Variants in CRPPA observed in about 807,000 individuals in gnomAD.
CRPPA encodes the protein D-ribitol-5-phosphate cytidylyltransferase.
In CRPPA, 43 loss-of-function variants were observed where a neutral mutation model predicts 52.0. That is an observed-to-expected ratio of 0.83 (90% confidence interval 0.65 to 1.07). The LOEUF is 1.07. Ranked by LOEUF, CRPPA falls within the 50% of genes least tolerant of loss-of-function variation. The probability of loss-of-function intolerance (pLI) is 0.00; values close to 1 mark genes in which losing one functional copy is unlikely to be tolerated. For synonymous variants in CRPPA, 250 were observed against 203.5 expected, an observed-to-expected ratio of 1.23 and a Z score of -1.94; for missense variants, 629 against 551.7, an observed-to-expected ratio of 1.14 and a Z score of -1.40.
In CRPPA at chr7:16,278,118, T is replaced by C. The variant is rs1784246984; in HGVS notation, c.933+11A>G. The C allele has an allele frequency of 7.2e-7, 1 of 1,394,348 alleles. No homozygotes were observed. 86.4% of individuals were successfully genotyped at this position (1,394,348 alleles called of 1,614,324 possible). On this transcript the variant is annotated intron_variant, in intron 6 of 9. Transcript: ENST00000407010. ...ATCAAAGTTTATCAAACTCAGTCTTTGAATACTTACATTTAATTCACTTTT... is the reference window on the plus strand; with the variant it reads ...ATCAAAGTTTATCAAACTCAGTCTTCGAATACTTACATTTAATTCACTTTT...
At chr7:16,215,444 TAATGGTA>T (rs1562562391) in intron 9 of CRPPA, among the ~76,000 whole-genome samples, 2 of 152,236 alleles carry the variant, frequency 1.3e-5, no homozygotes, top group African/African-American at 4.8e-5. Context: ...AAAGAATCTG[TAATGGTA>T]GCTCATTGTG....
chr7:16,215,257 C>T (rs1401000817), intron 9 of CRPPA, among the ~76,000 whole-genome samples: 3 of 152,072 alleles, frequency 2.0e-5, no homozygotes, highest in African/African-American at 4.8e-5. Context: ...AGCAGTGGAC[C>T]GTTCAACTTG....
intron 5 of CRPPA, among the ~76,000 whole-genome samples, chr7:16,288,742 G>A (rs1218246876): frequency 6.6e-6 from 1 of 150,990 alleles, no homozygotes; most frequent in African/African-American, 2.4e-5. Context: ...AGCTACTCAG[G>A]AGGCTGAGGT....
At chr7:16,239,894 A>G (rs1308614539) in intron 8 of CRPPA, among the ~76,000 whole-genome samples, 1 of 152,118 alleles carries the variant, frequency 6.6e-6, no homozygotes, top group Non-Finnish European at 1.5e-5. Context: ...AACTTAGACA[A>G]AGTCCTCTGG....
At chr7:16,156,402 C>T (rs1783182858) in intron 9 of CRPPA, among the ~76,000 whole-genome samples, 1 of 152,122 alleles carries the variant, frequency 6.6e-6, no homozygotes, top group African/African-American at 2.4e-5. Context: ...TGATAGTGTT[C>T]ATGAGTAAAG....
chr7:16,272,999 T>C (rs1784123702), intron 6 of CRPPA, among the ~76,000 whole-genome samples: 2 of 151,826 alleles, frequency 1.3e-5, no homozygotes, highest in Non-Finnish European at 2.9e-5. Flanking sequence ...AGTTTTAGGG[T>C]ACATGTGCAC....
At chr7:16,176,693 C>T (rs1389998971) in intron 9 of CRPPA, among the ~76,000 whole-genome samples, 1 of 152,164 alleles carries the variant, frequency 6.6e-6, no homozygotes, top group Non-Finnish European at 1.5e-5. Context: ...CCTCTCACCT[C>T]AGCCTCCGCA....
chr7:16,241,626 T>C (rs750208096), intron 8 of CRPPA, among the ~76,000 whole-genome samples: 1 of 152,220 alleles, frequency 6.6e-6, no homozygotes, highest in Non-Finnish European at 1.5e-5. Flanking sequence ...GAACTTGCTG[T>C]GTTTCTTTAA....
At chr7:16,166,994 T>C (rs1361767925) in intron 9 of CRPPA, among the ~76,000 whole-genome samples, 1 of 151,458 alleles carries the variant, frequency 6.6e-6, no homozygotes, top group African/African-American at 2.4e-5. Flanking sequence ...AGTGGTGCGA[T>C]CTCCACTCAC....
At position 16,209,273 on chromosome 7, in the gene CRPPA, C is replaced by T. The variant is rs201101195; in HGVS notation, c.1251+6793G>A. ...GGCCAAGTAATACGGTTCTAAGTGT[C>T]TTTTTTTTTTTTTTTTTGAGACGAG... On this transcript the variant is annotated intron_variant, in intron 9 of 9. Transcript: ENST00000407010. 1.9e-3 allele frequency: 239 copies of T among 123,012 alleles called. 5 individuals carry two copies. Among genetic ancestry groups the T allele is most frequent in the Middle Eastern group, 4.3e-3 (1 of 234 alleles). The allele number at this position is 123,012 out of a possible 1,614,324, so 7.6% of individuals were successfully genotyped here.
chr7:16,231,457 A>T (rs1447214341), intron 8 of CRPPA, among the ~76,000 whole-genome samples: 1 of 152,180 alleles, frequency 6.6e-6, no homozygotes, highest in Non-Finnish European at 1.5e-5. Flanking sequence ...AAACAAAAGC[A>T]GTGCTTATAT....
At chr7:16,397,302 C>A (rs578224777) in intron 2 of CRPPA, among the ~76,000 whole-genome samples, 1 of 152,296 alleles carries the variant, frequency 6.6e-6, no homozygotes, top group South Asian at 2.1e-4. Flanking sequence ...AAGTCACTGA[C>A]ATGTAACTGA....
At chr7:16,216,558 C>T (rs1004431274) in intron 8 of CRPPA, 32 of 216,570 alleles carry the variant, frequency 1.5e-4, no homozygotes, top group Non-Finnish European at 3.7e-5. Context: ...GAGCGCCAGA[C>T]AGTGGGCGCA....
At chr7:16,213,329 A>C (rs1359860563) in intron 9 of CRPPA, among the ~76,000 whole-genome samples, 1 of 152,234 alleles carries the variant, frequency 6.6e-6, no homozygotes, top group Non-Finnish European at 1.5e-5. Context: ...ATTTAAGATT[A>C]TACTTTAAAG....
intron 2 of CRPPA, among the ~76,000 whole-genome samples, chr7:16,380,034 G>A (rs1269696294): frequency 6.6e-6 from 1 of 151,152 alleles, no homozygotes; most frequent in Non-Finnish European, 1.5e-5. Flanking sequence ...ACGTTGAATA[G>A]GAGTGGTGAG....
intron 8 of CRPPA, among the ~76,000 whole-genome samples, chr7:16,232,936 A>C (rs1313067579): frequency 6.6e-6 from 1 of 152,184 alleles, no homozygotes; most frequent in African/African-American, 2.4e-5. Flanking sequence ...ACAGTTATTA[A>C]AACTATGTTC....
intron 3 of CRPPA, among the ~76,000 whole-genome samples, chr7:16,327,244 G>A (rs889747479): frequency 6.6e-6 from 1 of 152,066 alleles, no homozygotes; most frequent in African/African-American, 2.4e-5. Flanking sequence ...AAAAGCTAAG[G>A]AACATGGCTG....
intron 2 of CRPPA, among the ~76,000 whole-genome samples, chr7:16,402,524 G>A (rs1307899765): frequency 6.6e-6 from 1 of 152,098 alleles, no homozygotes; most frequent in African/African-American, 2.4e-5. Flanking sequence ...TGAATTAAAC[G>A]ACCAAGAAGT....
chr7:16,371,552 C>A (rs1786749028), intron 3 of CRPPA, among the ~76,000 whole-genome samples: 1 of 151,456 alleles, frequency 6.6e-6, no homozygotes, highest in Non-Finnish European at 1.5e-5. Context: ...AAAAAACCCA[C>A]AGTCCAATCA....
Sources: allele counts gnomAD v4.1 joint callset (sites outside exome capture counted in the v4.1 genomes callset), GRCh38; gene constraint gnomAD v4.1.1; transcripts MANE v1.5; gene names NCBI Gene and HGNC (gene_info 2026-07-23, HGNC 2026-07-21).